The following LRRK2 variants were observed in gnomAD, a reference collection of about 807,000 sequenced individuals.
The protein encoded by LRRK2 is leucine-rich repeat serine/threonine-protein kinase 2.
A neutral mutation model predicts 302.6 loss-of-function variants in LRRK2; 203 were observed. The ratio of observed to expected loss-of-function variants is 0.67; its 90% CI spans 0.60 to 0.75. The LOEUF is 0.75. LRRK2 is among the 30% of genes least tolerant of loss of function. LRRK2 has a pLI of 0.00. For synonymous variants in LRRK2, 1,066 were observed against 1,031.9 expected (o/e 1.03, Z -0.63); for missense variants, 2,830 against 2,951.0 (o/e 0.96, Z 0.95).
chr12:40,324,397 T>C (rs1434031564), intron 38 of LRRK2, among the ~76,000 whole-genome samples: 1 of 152,216 alleles, frequency 6.6e-6, no homozygotes, highest in Non-Finnish European at 1.5e-5. Flanking sequence ...CATAGCAATT[T>C]ACAAGTATAC....
At chr12:40,327,359 C>T (rs1023512339) in intron 38 of LRRK2, among the ~76,000 whole-genome samples, 1 of 152,084 alleles carries the variant, frequency 6.6e-6, no homozygotes, top group African/African-American at 2.4e-5. Context: ...CTACTAAGTA[C>T]AGAATTAAAA....
intron 10 of LRRK2, 107 bp downstream of exon 10, chr12:40,251,651 A>C: frequency 2.0e-6 from 2 of 1,019,486 alleles, no homozygotes; most frequent in South Asian, 2.9e-5. Context: ...TTTTTGATAT[A>C]GGCATTTAGT....
At chr12:40,270,941 C>T (rs1943207394) in intron 14 of LRRK2, among the ~76,000 whole-genome samples, 1 of 151,898 alleles carries the variant, frequency 6.6e-6, no homozygotes. Flanking sequence ...TTACTTATTA[C>T]TATTGTTTTT....
intron 23 of LRRK2, among the ~76,000 whole-genome samples, chr12:40,297,314 G>A (rs1489615123): frequency 2.0e-5 from 3 of 152,172 alleles, no homozygotes; most frequent in African/African-American, 7.2e-5. Flanking sequence ...TTCAATGACT[G>A]GACAAGCTCA....
chr12:40,310,575 G>T lies in LRRK2; in HGVS notation c.4462G>T (p.Val1488Leu). The change falls in exon 31 of 51, where the codon GTG becomes TTG. Residue 1488 changes from valine (V) to leucine (L), a missense_variant. By Grantham distance (32) the Val-to-Leu change is conservative (BLOSUM62 1). Coordinates refer to ENST00000298910, the MANE Select transcript of LRRK2 (RefSeq NM_198578.4). The stretch of plus-strand genomic sequence containing the variant: ...CCCTGCCATACGAGATTACCACTTT[G>T]TGAATGCCACCGAGGAATCTGATGC... Reference protein sequence around the residue: ...GFPAIRDYHFVNATEESDALA... With the variant: ...GFPAIRDYHFLNATEESDALA... 1 of 1,612,456 alleles carries T rather than the reference G, an allele frequency of 6.2e-7. No homozygotes were observed. Among genetic ancestry groups the T allele is most frequent in the South Asian group, 1.1e-5 (1 of 90,928 alleles).
At chr12:40,274,757 A>G (rs1443025688) in intron 15 of LRRK2, 30 bp downstream of exon 15, 7 of 1,613,722 alleles carry the variant, frequency 4.3e-6, no homozygotes, top group African/African-American at 2.7e-5. Flanking sequence ...AGGATTTAGA[A>G]TAGATTTTTG....
chr12:40,363,654 G>A, intron 48 of LRRK2, 100 bp downstream of exon 48: 1 of 1,349,406 alleles, frequency 7.4e-7, no homozygotes, highest in Non-Finnish European at 1.0e-6. Context: ...TCTGAATAGA[G>A]AATTTTTTTA....
chr12:40,254,784 T>C (rs1048906459), intron 11 of LRRK2, among the ~76,000 whole-genome samples: 11 of 152,168 alleles, frequency 7.2e-5, no homozygotes, highest in African/African-American at 2.7e-4. Context: ...CTCTTTCTAG[T>C]TCCTTACTTC....
rs202073944 is a variant in LRRK2, at chr12:40,314,043, G to T, written c.4608G>T (p.Ser1536=). 3 of 1,612,066 alleles carry T rather than the reference G, an allele frequency of 1.9e-6. No individual in the cohort carries two copies. Among genetic ancestry groups the T allele is most frequent in the Non-Finnish European group, 2.5e-6 (3 of 1,178,830 alleles). The change falls in exon 32 of 51, where the codon TCG becomes TCT. Residue 1536 remains serine (S), a synonymous_variant. Coordinates refer to ENST00000298910, the MANE Select transcript of LRRK2 (RefSeq NM_198578.4). ...TAGAACTTGAAAAAATCATTTTATC[G>T]GAGCGTAAAAATGTGCCAATTGAAT... ...CYVELEKIIL[S]ERKNVPIEFP... is the part of the protein sequence containing the mutation.
intron 46 of LRRK2, among the ~76,000 whole-genome samples, chr12:40,356,855 T>A (rs1218958820): frequency 6.6e-6 from 1 of 152,230 alleles, no homozygotes; most frequent in East Asian, 1.9e-4. Context: ...GGGGTACATG[T>A]GATATGTTGT....
intron 20 of LRRK2, 30 bp from the exon 21 acceptor site, chr12:40,293,515 C>T: frequency 1.4e-6 from 2 of 1,387,484 alleles, no homozygotes; most frequent in Non-Finnish European, 2.0e-6. Context: ...TTGTATTCAC[C>T]TTCATGTTAT....
intron 28 of LRRK2, 40 bp from the exon 29 acceptor site, chr12:40,308,427 T>C (rs1331836996): frequency 6.7e-7 from 1 of 1,496,622 alleles, no homozygotes; most frequent in Non-Finnish European, 9.2e-7. Context: ...AGTATACTTT[T>C]AAGCAGTTTA....
chr12:40,363,334 T>A, intron 47 of LRRK2, 68 bp from the exon 48 acceptor site: 2 of 1,463,636 alleles, frequency 1.4e-6, no homozygotes, highest in Middle Eastern at 1.8e-4. Flanking sequence ...AATATAAGGT[T>A]GTATTACACG....
Position 40,277,995 on chromosome 12 carries a change from C to A in LRRK2, c.2049C>A (p.Ile683=), listed in dbSNP as rs983713654. The A allele has an allele frequency of 3.1e-6, 5 of 1,613,664 alleles. No homozygotes were observed. The highest frequency in any genetic ancestry group is 4.2e-6 in the Non-Finnish European group (5 of 1,179,914). ...LVIFHQMSSN[I]MEQKDQQFLN... ...TATTCCATCAAATGTCTTCCAATAT[C>A]ATGGAACAAAAGGATCAACAGGTAC... Residue 683 remains isoleucine (I), a synonymous_variant, in exon 17 of 51, where the codon ATC becomes ATA. Coordinates refer to ENST00000298910, the MANE Select transcript of LRRK2 (RefSeq NM_198578.4).
At chr12:40,283,357 G>T (rs1161759546) in intron 18 of LRRK2, among the ~76,000 whole-genome samples, 1 of 152,212 alleles carries the variant, frequency 6.6e-6, no homozygotes, top group African/African-American at 2.4e-5. Context: ...AAATTCAGAT[G>T]CTTGTCTTGA....
chr12:40,236,695 G>A (rs1378027704), intron 4 of LRRK2, among the ~76,000 whole-genome samples: 1 of 152,128 alleles, frequency 6.6e-6, no homozygotes, highest in Admixed American at 6.6e-5. Flanking sequence ...CATCAGTCCT[G>A]CTAAGAGATG....
chr12:40,228,794 T>A (rs1422829393), intron 2 of LRRK2, among the ~76,000 whole-genome samples: 1 of 152,178 alleles, frequency 6.6e-6, no homozygotes, highest in African/African-American at 2.4e-5. Context: ...AAGCTGTGGA[T>A]CTAGTTTCCT....
chr12:40,228,448 T>A (rs1442396866), intron 2 of LRRK2, among the ~76,000 whole-genome samples: 2 of 149,826 alleles, frequency 1.3e-5, no homozygotes, highest in Non-Finnish European at 3.0e-5. Context: ...TTTTTTTTTT[T>A]TTTTTTTGCT....
At chr12:40,272,048 G>A (rs1565699426) in intron 14 of LRRK2, among the ~76,000 whole-genome samples, 1 of 152,140 alleles carries the variant, frequency 6.6e-6, no homozygotes, top group Non-Finnish European at 1.5e-5. Context: ...CTTGGGAGTA[G>A]AAGTGGATAT....
Sources: gnomAD v4.1 joint callset for allele counts (sites outside exome capture counted in the v4.1 genomes callset) on GRCh38, gnomAD v4.1.1 for gene constraint, MANE v1.5 for transcripts, NCBI Gene and HGNC (gene_info 2026-07-23, HGNC 2026-07-21) for gene names.